NTRK3: variants seen among roughly 807,000 people sequenced by gnomAD.
NTRK3 encodes NT-3 growth factor receptor.
In NTRK3, 24 loss-of-function variants were observed where a neutral mutation model predicts 91.7. The observed-to-expected ratio is 0.26, with a 90% CI of 0.19 to 0.37. The LOEUF (loss-of-function observed/expected upper bound fraction) is 0.37. Among genes scored for constraint, NTRK3 ranks in the 10% least tolerant of loss-of-function variants. The probability of loss-of-function intolerance (pLI) is 1.00; values close to 1 mark genes in which losing one functional copy is unlikely to be tolerated. For missense variants in NTRK3, 880 were observed against 1,068.9 expected (o/e 0.82, Z 2.46); for synonymous variants, 483 against 404.0 (o/e 1.20, Z -2.34).
rs931319954 is a variant in NTRK3, at chr15:88,256,638, A to G, written c.-219+6T>C. ...CACACACACTCACTCTCACACATAC[A>G]CACACCCGGAGCCCGAGGAAAGGAA... On this transcript the variant is annotated splice_donor_region_variant and intron_variant, in intron 1 of 18. Coordinates refer to ENST00000394480, the Ensembl canonical transcript of NTRK3. 1 of 421,216 alleles carries G rather than the reference A, an allele frequency of 2.4e-6. No individual in the cohort carries two copies. Among genetic ancestry groups the G allele is most frequent in the Non-Finnish European group, 4.1e-6 (1 of 243,880 alleles). 26.1% of individuals were successfully genotyped at this position (421,216 alleles called of 1,614,324 possible). A position where few individuals can be genotyped will look rare whatever the true frequency, so the allele number is the denominator to read the frequency against.
intron 13 of NTRK3, among the ~76,000 whole-genome samples, chr15:88,039,811 C>A (rs1411661895): frequency 1.3e-5 from 2 of 152,226 alleles, no homozygotes; most frequent in African/African-American, 4.8e-5. Flanking sequence ...ACACGTCCAC[C>A]CTACTGCTGT....
At chr15:87,952,164 G>T (rs1220481759) in intron 14 of NTRK3, among the ~76,000 whole-genome samples, 1 of 130,814 alleles carries the variant, frequency 7.6e-6, no homozygotes, top group African/African-American at 2.8e-5. Context: ...GAGAAAGAAA[G>T]AAGAAAGAAA....
intron 13 of NTRK3, among the ~76,000 whole-genome samples, chr15:88,095,762 G>A (rs904746895): frequency 6.6e-6 from 1 of 152,134 alleles, no homozygotes; most frequent in Admixed American, 6.5e-5. Context: ...GTGAAGCTTG[G>A]ATACTCCAAT....
At chr15:88,020,388 T>C (rs1183984224) in intron 14 of NTRK3, among the ~76,000 whole-genome samples, 2 of 152,166 alleles carry the variant, frequency 1.3e-5, no homozygotes, top group African/African-American at 4.8e-5. Flanking sequence ...AGCATCTTCA[T>C]AGCTGTGGAG....
intron 14 of NTRK3, among the ~76,000 whole-genome samples, chr15:87,984,502 G>A (rs754396344): frequency 2.0e-5 from 3 of 152,302 alleles, no homozygotes; most frequent in East Asian, 1.9e-4. Flanking sequence ...AAAGGATGGC[G>A]GCACTGGCCG....
intron 13 of NTRK3, among the ~76,000 whole-genome samples, chr15:88,062,945 T>C (rs1020997021): frequency 6.6e-6 from 1 of 152,222 alleles, no homozygotes; most frequent in African/African-American, 2.4e-5. Context: ...GATTATCTTG[T>C]TTCCTTCATG....
chr15:88,136,372 C>A, intron 8 of NTRK3, 95 bp downstream of exon 8: 1 of 1,514,008 alleles, frequency 6.6e-7, no homozygotes, highest in Non-Finnish European at 9.1e-7. Flanking sequence ...GTGTTTTTTC[C>A]TATAGTAACA....
At chr15:87,909,450 G>A (rs2066959687) in intron 17 of NTRK3, among the ~76,000 whole-genome samples, 1 of 152,182 alleles carries the variant, frequency 6.6e-6, no homozygotes, top group Admixed American at 6.5e-5. Flanking sequence ...GATTCATGAA[G>A]TAACATGTCC....
intron 3 of NTRK3, among the ~76,000 whole-genome samples, chr15:88,199,397 A>C (rs1418821254): frequency 1.3e-5 from 2 of 152,206 alleles, no homozygotes; most frequent in African/African-American, 4.8e-5. Flanking sequence ...TTATCTCTGC[A>C]TCCCTGGTGC....
At chr15:88,109,390 C>T (rs1463622270) in intron 13 of NTRK3, among the ~76,000 whole-genome samples, 1 of 152,196 alleles carries the variant, frequency 6.6e-6, no homozygotes, top group Non-Finnish European at 1.5e-5. Flanking sequence ...CTTAAGCCAC[C>T]TAATACCTGA....
chr15:88,157,387 C>T (rs1473544958), intron 5 of NTRK3, among the ~76,000 whole-genome samples: 1 of 152,060 alleles, frequency 6.6e-6, no homozygotes, highest in African/African-American at 2.4e-5. Context: ...CTCCCTGCCT[C>T]TCAAGGACAT....
intron 17 of NTRK3, among the ~76,000 whole-genome samples, chr15:87,909,245 G>A (rs989713672): frequency 6.6e-5 from 10 of 152,108 alleles, no homozygotes; most frequent in African/African-American, 2.2e-4. Flanking sequence ...TCCTAAGCAA[G>A]GCCTTTCCCT....
intron 17 of NTRK3, among the ~76,000 whole-genome samples, chr15:87,883,899 G>A (rs2065387308): frequency 6.9e-6 from 1 of 144,618 alleles, no homozygotes; most frequent in Non-Finnish European, 1.5e-5. Context: ...AAATATAACT[G>A]AAGTAATTTT....
At chr15:88,218,125 T>C (rs533101674) in intron 3 of NTRK3, among the ~76,000 whole-genome samples, 4 of 152,228 alleles carry the variant, frequency 2.6e-5, no homozygotes, top group Admixed American at 2.6e-4. Context: ...GCAGGTGTGC[T>C]TCAAGAAACC....
chr15:87,878,743 C>T (rs764294994), intron 18 of NTRK3, among the ~76,000 whole-genome samples: 26 of 152,176 alleles, frequency 1.7e-4, no homozygotes, highest in Admixed American at 1.7e-3. Flanking sequence ...AGGCCAATGC[C>T]TCTGTGAGTC....
At chr15:88,254,073 A>T (rs927492144) in intron 3 of NTRK3, among the ~76,000 whole-genome samples, 5 of 151,948 alleles carry the variant, frequency 3.3e-5, no homozygotes, top group Non-Finnish European at 5.9e-5. Flanking sequence ...ATTCCCAGAG[A>T]CCCAGGCTGG....
intron 13 of NTRK3, among the ~76,000 whole-genome samples, chr15:88,044,107 G>T (rs2079910766): frequency 6.6e-6 from 1 of 152,064 alleles, no homozygotes; most frequent in South Asian, 2.1e-4. Context: ...GCACTGTACT[G>T]GGCTCTGTGT....
intron 13 of NTRK3, among the ~76,000 whole-genome samples, chr15:88,071,837 C>T (rs2047112546): frequency 6.6e-6 from 1 of 152,036 alleles, no homozygotes; most frequent in Non-Finnish European, 1.5e-5. Context: ...TTTGTGTTTG[C>T]TCTTCTGAGG....
At chr15:87,998,452 G>A (rs1470051926) in intron 14 of NTRK3, among the ~76,000 whole-genome samples, 2 of 152,244 alleles carry the variant, frequency 1.3e-5, no homozygotes, top group African/African-American at 2.4e-5. Context: ...GGGCAGTGGC[G>A]ATGCCAGCTT....
Sources: allele counts gnomAD v4.1 joint callset (sites outside exome capture counted in the v4.1 genomes callset), GRCh38; gene constraint gnomAD v4.1.1; transcripts MANE v1.5; gene names NCBI Gene and HGNC (gene_info 2026-07-23, HGNC 2026-07-21).